Variants in XYLB observed in about 807,000 individuals in gnomAD.
XYLB encodes xylulose kinase.
Under a neutral mutation model 78.7 loss-of-function variants are expected in XYLB, and 62 were observed. The observed-to-expected ratio is 0.79, with a 90% CI of 0.64 to 0.97. The LOEUF (loss-of-function observed/expected upper bound fraction) is 0.97, where lower values mean the gene tolerates loss of function less well. Among genes scored for constraint, XYLB ranks in the 50% least tolerant of loss-of-function variants. The pLI is 0.00. For synonymous variants in XYLB, 245 were observed against 247.4 expected, an observed-to-expected ratio of 0.99 and a Z score of 0.09; for missense variants, 687 against 676.8, an observed-to-expected ratio of 1.02 and a Z score of -0.17.
the XYLB span, among the ~76,000 whole-genome samples, chr3:38,427,679 C>T: frequency 3.5e-3 from 537 of 152,136 alleles, 5 homozygotes; most frequent in African/African-American, 0.012. Flanking sequence ...CTGCAACCTC[C>T]GCCTCCCAGT....
chr3:38,433,751 A>C, the XYLB span, among the ~76,000 whole-genome samples: 1 of 152,202 alleles, frequency 6.6e-6, no homozygotes, highest in African/African-American at 2.4e-5. Context: ...AAGCCATTCA[A>C]AAAGTCTCTA....
chr3:38,420,506 T>A (rs576936551), exon 18 of XYLB, among the ~76,000 whole-genome samples: 106 of 152,346 alleles, frequency 7.0e-4, no homozygotes, highest in South Asian at 1.5e-3. Flanking sequence ...AGGTTTGTCT[T>A]GAATTTTGTT....
intron 18 of XYLB, among the ~76,000 whole-genome samples, chr3:38,405,290 A>G (rs1708266957): frequency 1.3e-5 from 2 of 150,456 alleles, no homozygotes; most frequent in African/African-American, 4.9e-5. Flanking sequence ...TAATCCCAGC[A>G]CTTTGGGAGG....
intron 18 of XYLB, among the ~76,000 whole-genome samples, chr3:38,405,079 T>C (rs891770910): frequency 3.3e-5 from 5 of 152,142 alleles, no homozygotes; most frequent in African/African-American, 1.2e-4. Flanking sequence ...TGTGTTTCTT[T>C]TTGGTCTTTT....
At chr3:38,401,588 C>T (rs531677628) in intron 18 of XYLB, among the ~76,000 whole-genome samples, 4 of 152,224 alleles carry the variant, frequency 2.6e-5, no homozygotes, top group East Asian at 3.9e-4. Flanking sequence ...CAGAAAGCTC[C>T]GAAGCTGAGA....
At position 38,376,992 on chromosome 3, in the gene XYLB, G is replaced by A. The variant is rs747728614; in HGVS notation, c.1194+1G>A. On this transcript the variant is annotated splice_donor_variant, in intron 14 of 18. Transcript: ENST00000207870. LOFTEE classifies it high-confidence loss of function. The stretch of plus-strand genomic sequence containing the variant: ...TAGGTTTAACACAGAAAACCACAAG[G>A]TACATGTGCTGTTGGTGTTGGAGTT... 8 of 1,613,364 alleles carry A rather than the reference G, an allele frequency of 5.0e-6. No homozygotes were observed. The highest frequency in any genetic ancestry group is 5.9e-6 in the Non-Finnish European group (7 of 1,179,408).
chr3:38,383,077 A>T lies in XYLB; in HGVS notation c.1291+3735A>T, dbSNP rs1189784848. 2.0e-5 allele frequency among the ~76,000 whole-genome samples: 3 copies of T among 152,204 alleles called. No individual in the cohort carries two copies. The East Asian group carries it at 5.8e-4, about 29-fold the overall frequency. ...AGAGGCACTTTGAATAAAAATGATT[A>T]TTGTGATACTAACAGCTGCCAGCAT... On this transcript the variant is annotated intron_variant, in intron 15 of 18. Transcript: ENST00000207870.
chr3:38,448,821 G>C, the XYLB span, among the ~76,000 whole-genome samples: 1 of 152,146 alleles, frequency 6.6e-6, no homozygotes, highest in African/African-American at 2.4e-5. Flanking sequence ...TGAATGTTCT[G>C]AGTTTTCCAT....
chr3:38,373,417 T>C (rs1228768779), intron 10 of XYLB, among the ~76,000 whole-genome samples: 1 of 152,250 alleles, frequency 6.6e-6, no homozygotes. Flanking sequence ...TTAACCTTAA[T>C]CAGAAAGATT....
chr3:38,417,810 G>A (rs1488540151), downstream of XYLB, among the ~76,000 whole-genome samples: 1 of 149,376 alleles, frequency 6.7e-6, no homozygotes, highest in Non-Finnish European at 1.5e-5. Context: ...AACCCGGGAG[G>A]TTGAGGTTGC....
chr3:38,440,924 C>A, the XYLB span, among the ~76,000 whole-genome samples: 5 of 151,802 alleles, frequency 3.3e-5, no homozygotes, highest in East Asian at 7.7e-4. Flanking sequence ...CTCCCTCTTT[C>A]CTTCTCTCTT....
downstream of XYLB, among the ~76,000 whole-genome samples, chr3:38,415,425 G>C (rs976336624): frequency 6.6e-6 from 1 of 151,938 alleles, no homozygotes; most frequent in African/African-American, 2.4e-5. Context: ...TTGTAGATCT[G>C]AGGCCAAATG....
intron 15 of XYLB, among the ~76,000 whole-genome samples, chr3:38,388,951 C>CT (rs764161832): frequency 9.1e-4 from 132 of 145,128 alleles, no homozygotes; most frequent in African/African-American, 1.0e-3. Context: ...AATTTTCTTT[C>CT]TTTTTTTTTT....
the XYLB span, chr3:38,452,643 T>G: frequency 6.6e-6 from 1 of 152,176 alleles, no homozygotes; most frequent in Non-Finnish European, 1.5e-5. Context: ...TTTGCCATGT[T>G]GGTCAGGCTG....
downstream of XYLB, among the ~76,000 whole-genome samples, chr3:38,426,120 C>A (rs926629234): frequency 6.6e-6 from 1 of 152,116 alleles, no homozygotes; most frequent in African/African-American, 2.4e-5. Context: ...CAGCTACTGC[C>A]GCGGCAGCTG....
intron 4 of XYLB, 75 bp from the exon 5 acceptor site, chr3:38,365,124 G>T: frequency 7.2e-7 from 1 of 1,384,850 alleles, no homozygotes. Context: ...ATGTGGTCTG[G>T]GGTCTTTCTG....
chr3:38,347,451 G>A lies in XYLB; in HGVS notation c.57+526G>A, dbSNP rs761709312. Among the ~76,000 whole-genome samples the A allele has an allele frequency of 4.3e-4, 66 of 152,228 alleles. 1 individual carries two copies. The highest frequency in any genetic ancestry group is 7.9e-4 in the Non-Finnish European group (54 of 68,042). ...CCAGCACTTTGGGAGGCCGAGGCGA[G>A]TGGATCGCTTGAGCCCAGGAGTTCG... is the stretch of plus-strand genomic sequence containing the variant. On this transcript the variant is annotated intron_variant, in intron 1 of 18. Coordinates refer to ENST00000207870, the MANE Select transcript of XYLB (RefSeq NM_005108.4).
the XYLB span, among the ~76,000 whole-genome samples, chr3:38,449,342 C>T: frequency 3.9e-5 from 6 of 152,190 alleles, no homozygotes; most frequent in South Asian, 4.1e-4. Context: ...AGAATGGTCT[C>T]GATCTCTTGA....
In XYLB at chr3:38,392,549, G is replaced by A. The variant is rs141417067; in HGVS notation, c.1292-2956G>A. ...TGACCTCAGGTGATACACCCGTCTCGGTCTCCCAAAGTGCTGGGATTACAG... is the reference window on the plus strand; with the variant it reads ...TGACCTCAGGTGATACACCCGTCTCAGTCTCCCAAAGTGCTGGGATTACAG... On this transcript the variant is annotated intron_variant, in intron 15 of 18. Transcript: ENST00000207870. Among the ~76,000 whole-genome samples the A allele has an allele frequency of 9.2e-5, 14 of 152,088 alleles. No individual in the cohort carries two copies. The East Asian group carries it at 2.5e-3, about 27-fold the overall frequency.
Sources: allele counts gnomAD v4.1 joint callset (sites outside exome capture counted in the v4.1 genomes callset), GRCh38; gene constraint gnomAD v4.1.1; transcripts MANE v1.5; gene names NCBI Gene and HGNC (gene_info 2026-07-23, HGNC 2026-07-21).